Variants in SLC39A11 observed in about 807,000 individuals in gnomAD.
The protein encoded by SLC39A11 is solute carrier family 39 member 11.
In SLC39A11, 33 loss-of-function variants were observed where a neutral mutation model predicts 36.1. The ratio of observed to expected loss-of-function variants is 0.91; its 90% CI spans 0.69 to 1.22. The LOEUF (loss-of-function observed/expected upper bound fraction) is 1.22, where lower values mean the gene tolerates loss of function less well. SLC39A11 is among the 50% of genes most tolerant of loss of function. The pLI, the probability that SLC39A11 is intolerant of heterozygous loss-of-function variation, is 0.00. For missense variants in SLC39A11, 432 were observed against 430.3 expected, an observed-to-expected ratio of 1.00 and a Z score of -0.03; for synonymous variants, 166 against 170.3, an observed-to-expected ratio of 0.97 and a Z score of 0.20.
At chr17:72,937,224 T>C (rs895888414) in intron 5 of SLC39A11, among the ~76,000 whole-genome samples, 1 of 152,190 alleles carries the variant, frequency 6.6e-6, no homozygotes, top group African/African-American at 2.4e-5. Context: ...GTGGATCGCC[T>C]GAGCTCAGGA....
chr17:72,838,926 C>A (rs957433429), intron 6 of SLC39A11: 1 of 152,194 alleles, frequency 6.6e-6, no homozygotes, highest in Non-Finnish European at 1.5e-5. Flanking sequence ...GCAGCACTCT[C>A]CCCCATTCCC....
At chr17:73,024,864 A>ATTTTTTTTTTTTTTTTTTTTTTTTTTTT (rs1163840820) in intron 4 of SLC39A11, among the ~76,000 whole-genome samples, 2 of 97,900 alleles carry the variant, frequency 2.0e-5, no homozygotes, top group Admixed American at 1.4e-4. Context: ...TGCCCAGCTA[A>ATTTTTTTTTTTTTTTTTTTTTTTTTTTT]TTTTTTTTTT....
intron 4 of SLC39A11, among the ~76,000 whole-genome samples, chr17:72,949,986 CACACACA>C (rs2085745583): frequency 6.7e-6 from 1 of 150,306 alleles, no homozygotes; most frequent in Non-Finnish European, 1.5e-5. Context: ...CACACACACA[CACACACA>C]CACCCCTTCT....
intron 5 of SLC39A11, among the ~76,000 whole-genome samples, chr17:72,878,443 C>T (rs558365666): frequency 1.3e-5 from 2 of 152,168 alleles, no homozygotes; most frequent in Admixed American, 6.5e-5. Flanking sequence ...ACACACCAAG[C>T]TTGTTCCAAC....
chr17:72,971,318 A>G (rs1376365936), intron 4 of SLC39A11, among the ~76,000 whole-genome samples: 1 of 143,462 alleles, frequency 7.0e-6, no homozygotes, highest in Non-Finnish European at 1.5e-5. Flanking sequence ...ACACACACAT[A>G]CACACACACA....
intron 6 of SLC39A11, among the ~76,000 whole-genome samples, chr17:72,752,453 C>T (rs1275060317): frequency 6.6e-6 from 1 of 152,100 alleles, no homozygotes; most frequent in Non-Finnish European, 1.5e-5. Flanking sequence ...CCATGTTGGC[C>T]AGGCTGGTCT....
intron 7 of SLC39A11, among the ~76,000 whole-genome samples, chr17:72,720,868 A>G (rs1238419459): frequency 6.6e-6 from 1 of 152,158 alleles, no homozygotes; most frequent in Non-Finnish European, 1.5e-5. Flanking sequence ...TATAGCATCA[A>G]TAGTGCCTAT....
At chr17:72,826,882 C>A (rs1222475010) in intron 6 of SLC39A11, among the ~76,000 whole-genome samples, 1 of 152,114 alleles carries the variant, frequency 6.6e-6, no homozygotes, top group African/African-American at 2.4e-5. Flanking sequence ...GAAACGGAAC[C>A]CTCCTATATT....
At chr17:72,920,807 C>A (rs1011984328) in intron 5 of SLC39A11, among the ~76,000 whole-genome samples, 3 of 149,430 alleles carry the variant, frequency 2.0e-5, no homozygotes, top group African/African-American at 7.4e-5. Flanking sequence ...ATGCACACTT[C>A]CCACCCTATC....
At chr17:72,699,362 C>T (rs1176270610) in intron 7 of SLC39A11, among the ~76,000 whole-genome samples, 1 of 152,208 alleles carries the variant, frequency 6.6e-6, no homozygotes, top group Non-Finnish European at 1.5e-5. Context: ...TCCTGGGCTG[C>T]ATGTGACCTG....
At chr17:72,650,404 C>T (rs916359087) in intron 7 of SLC39A11, among the ~76,000 whole-genome samples, 1 of 152,206 alleles carries the variant, frequency 6.6e-6, no homozygotes, top group Non-Finnish European at 1.5e-5. Flanking sequence ...GGAGACAACA[C>T]AGGCATGTAC....
chr17:72,737,207 C>T lies in SLC39A11; in HGVS notation c.602-488G>A, dbSNP rs1023000518. Among the ~76,000 whole-genome samples, 5 of 151,622 alleles carry T rather than the reference C, an allele frequency of 3.3e-5. No individual in the cohort carries two copies. In the South Asian group the frequency reaches 8.3e-4, roughly 25 times the overall value. On this transcript the variant is annotated intron_variant, in intron 6 of 9. Transcript: ENST00000255559. ...AGGAGAATCACTTGAACACAGGAGGCGGAGGCTGCAGGGAGCCAAGAGTGT... is the reference window on the plus strand; with the variant it reads ...AGGAGAATCACTTGAACACAGGAGGTGGAGGCTGCAGGGAGCCAAGAGTGT...
At chr17:72,788,481 C>T (rs941734699) in intron 6 of SLC39A11, among the ~76,000 whole-genome samples, 5 of 143,074 alleles carry the variant, frequency 3.5e-5, no homozygotes, top group Non-Finnish European at 7.4e-5. Context: ...CAATGTCACA[C>T]GACCAGGCAG....
intron 6 of SLC39A11, among the ~76,000 whole-genome samples, chr17:72,775,057 G>T (rs553335950): frequency 6.6e-6 from 1 of 151,990 alleles, no homozygotes; most frequent in South Asian, 2.1e-4. Context: ...GATTTGGAGG[G>T]CTGGCTAATA....
chr17:72,701,819 C>T (rs1043983277), intron 7 of SLC39A11, among the ~76,000 whole-genome samples: 3 of 46,066 alleles, frequency 6.5e-5, no homozygotes, highest in Non-Finnish European at 1.5e-4. Context: ...AACATAGACA[C>T]GCAGAGTGTG....
intron 9 of SLC39A11, among the ~76,000 whole-genome samples, chr17:72,648,189 G>A (rs1167745294): frequency 6.6e-6 from 1 of 151,694 alleles, no homozygotes; most frequent in Non-Finnish European, 1.5e-5. Flanking sequence ...AATTAGCTGG[G>A]CGTAGTGGTG....
chr17:72,717,927 T>C (rs371836378), intron 7 of SLC39A11, among the ~76,000 whole-genome samples: 9 of 152,286 alleles, frequency 5.9e-5, no homozygotes, highest in African/African-American at 2.2e-4. Context: ...GTCTGGAGTT[T>C]TCCCTTCTTT....
chr17:72,988,925 T>C (rs1035101509), intron 4 of SLC39A11, among the ~76,000 whole-genome samples: 1 of 152,082 alleles, frequency 6.6e-6, no homozygotes, highest in African/African-American at 2.4e-5. Flanking sequence ...GATTACAATA[T>C]GCAGGCAGAG....
chr17:72,749,529 C>T (rs530439571), intron 6 of SLC39A11, among the ~76,000 whole-genome samples: 2 of 152,256 alleles, frequency 1.3e-5, no homozygotes, highest in Non-Finnish European at 2.9e-5. Flanking sequence ...GGACACAGGA[C>T]GAAGGAAGCA....
Sources: gnomAD v4.1 joint callset for allele counts (sites outside exome capture counted in the v4.1 genomes callset) on GRCh38, gnomAD v4.1.1 for gene constraint, MANE v1.5 for transcripts, NCBI Gene and HGNC (gene_info 2026-07-23, HGNC 2026-07-21) for gene names.